Variants in MAP3K7CL observed in about 807,000 individuals in gnomAD.
MAP3K7CL encodes the protein MAP3K7 C-terminal-like protein.
Under a neutral mutation model 18.6 loss-of-function variants are expected in MAP3K7CL, and 16 were observed. That is an observed-to-expected ratio of 0.86 (90% confidence interval 0.58 to 1.31). The LOEUF is 1.31. MAP3K7CL is among the 50% of genes most tolerant of loss of function. MAP3K7CL has a pLI of 0.00. For synonymous variants in MAP3K7CL, 65 were observed against 66.8 expected (o/e 0.97, Z 0.13); for missense variants, 163 against 174.4 (o/e 0.93, Z 0.37).
At chr21:29,151,680 A>C (rs763604658) in intron 3 of MAP3K7CL, among the ~76,000 whole-genome samples, 2 of 152,214 alleles carry the variant, frequency 1.3e-5, no homozygotes, top group Non-Finnish European at 2.9e-5. Context: ...TTGTTCTCTC[A>C]TCAAATTATG....
At chr21:29,079,803 C>T (rs1469771490) in intron 1 of MAP3K7CL, among the ~76,000 whole-genome samples, 1 of 152,162 alleles carries the variant, frequency 6.6e-6, no homozygotes, top group Non-Finnish European at 1.5e-5. Context: ...GAGTAGCTCC[C>T]TTAAAGTCTC....
intron 2 of MAP3K7CL, among the ~76,000 whole-genome samples, chr21:29,135,483 A>C (rs2086866221): frequency 6.6e-6 from 1 of 152,216 alleles, no homozygotes; most frequent in South Asian, 2.1e-4. Context: ...TATTTATCTC[A>C]GGCAGTATTA....
Position 29,110,966 on chromosome 21 carries a change from T to C in MAP3K7CL, c.370+18385T>C, listed in dbSNP as rs180908698. On this transcript the variant is annotated intron_variant, in intron 4 of 6. Transcript: ENST00000286791. ...GTCCCTGTCTTCCATGTAAAAAATGTTCCTTGGGGGCTGGGCGCAGTGGCT... is the reference window on the plus strand; with the variant it reads ...GTCCCTGTCTTCCATGTAAAAAATGCTCCTTGGGGGCTGGGCGCAGTGGCT... 7.9e-5 allele frequency among the ~76,000 whole-genome samples: 12 copies of C among 152,248 alleles called. No individual in the cohort carries two copies. The East Asian group carries it at 2.3e-3, about 29-fold the overall frequency.
intron 4 of MAP3K7CL, among the ~76,000 whole-genome samples, chr21:29,103,621 G>C (rs1353826346): frequency 6.6e-6 from 1 of 152,094 alleles, no homozygotes; most frequent in Admixed American, 6.6e-5. Flanking sequence ...TGTAGTCCAG[G>C]CTACTTGGGA....
chr21:29,100,188 C>A (rs1940123456), intron 4 of MAP3K7CL, among the ~76,000 whole-genome samples: 1 of 152,108 alleles, frequency 6.6e-6, no homozygotes, highest in South Asian at 2.1e-4. Flanking sequence ...CCACGTATGC[C>A]CTGGAGAGTC....
intron 2 of MAP3K7CL, among the ~76,000 whole-genome samples, chr21:29,147,135 AT>A (rs1371695618): frequency 3.9e-5 from 6 of 152,068 alleles, no homozygotes; most frequent in Non-Finnish European, 8.8e-5. Context: ...TTTTTAAATT[AT>A]TTTTTCACCT....
intron 4 of MAP3K7CL, among the ~76,000 whole-genome samples, chr21:29,172,123 A>G (rs915917742): frequency 6.6e-6 from 1 of 151,844 alleles, no homozygotes; most frequent in African/African-American, 2.4e-5. Context: ...TTTAGCATTG[A>G]TATATTATTA....
chr21:29,119,126 C>T (rs1380808733), intron 4 of MAP3K7CL, among the ~76,000 whole-genome samples: 1 of 152,210 alleles, frequency 6.6e-6, no homozygotes, highest in African/African-American at 2.4e-5. Context: ...CACACAAATA[C>T]CCTTTCTCTG....
At chr21:29,096,477 G>A (rs1000790598) in intron 4 of MAP3K7CL, among the ~76,000 whole-genome samples, 2 of 152,278 alleles carry the variant, frequency 1.3e-5, no homozygotes, top group Admixed American at 6.5e-5. Context: ...CTAAAAGTCA[G>A]GTAGGACCTC....
chr21:29,147,557 G>A lies in MAP3K7CL; in HGVS notation c.71-1632G>A, dbSNP rs562787541. 1.1e-4 allele frequency among the ~76,000 whole-genome samples: 17 copies of A among 151,662 alleles called. No individual in the cohort carries two copies. In the South Asian group the frequency reaches 3.5e-3, roughly 32 times the overall value. On this transcript the variant is annotated intron_variant, in intron 2 of 4. Transcript: ENST00000399928. ...ATATATGTATATGTGTACTGTATCT[G>A]TATTGTATATGTATGTGTACTGTGT...
chr21:29,117,101 A>T (rs1442400106), intron 4 of MAP3K7CL, among the ~76,000 whole-genome samples: 1 of 152,132 alleles, frequency 6.6e-6, no homozygotes, highest in Non-Finnish European at 1.5e-5. Flanking sequence ...TGTCTTAACT[A>T]TCAATATATT....
chr21:29,107,622 G>T (rs549739052), intron 4 of MAP3K7CL, among the ~76,000 whole-genome samples: 1 of 152,140 alleles, frequency 6.6e-6, no homozygotes, highest in Non-Finnish European at 1.5e-5. Context: ...AAGTTGTCAC[G>T]TGGGGATGTG....
intron 4 of MAP3K7CL, among the ~76,000 whole-genome samples, chr21:29,169,993 A>G (rs1322417905): frequency 1.3e-5 from 2 of 152,204 alleles, no homozygotes; most frequent in Non-Finnish European, 2.9e-5. Context: ...TTCTACCCCC[A>G]TATTACATTA....
chr21:29,149,988 A>G (rs1441297444), intron 3 of MAP3K7CL, among the ~76,000 whole-genome samples: 2 of 152,210 alleles, frequency 1.3e-5, no homozygotes, highest in East Asian at 3.9e-4. Context: ...AGGCAAGTCC[A>G]ATAGGGGTCT....
chr21:29,120,533 G>GA (rs1225084120), intron 4 of MAP3K7CL, among the ~76,000 whole-genome samples: 1 of 152,162 alleles, frequency 6.6e-6, no homozygotes, highest in Non-Finnish European at 1.5e-5. Flanking sequence ...GGGCCTAGCT[G>GA]AGTGTCTGGG....
intron 4 of MAP3K7CL, among the ~76,000 whole-genome samples, chr21:29,163,317 T>C (rs1488855108): frequency 2.0e-5 from 3 of 152,164 alleles, no homozygotes; most frequent in Non-Finnish European, 4.4e-5. Flanking sequence ...CCCTAAATAA[T>C]TGGCTAGATG....
intron 4 of MAP3K7CL, among the ~76,000 whole-genome samples, chr21:29,101,471 G>A (rs559554580): frequency 1.3e-5 from 2 of 152,196 alleles, no homozygotes; most frequent in East Asian, 1.9e-4. Flanking sequence ...GTGCAGTGGC[G>A]CCATCTCTGC....
upstream of MAP3K7CL, among the ~76,000 whole-genome samples, chr21:29,082,149 G>A (rs184042216): frequency 6.6e-6 from 1 of 152,218 alleles, no homozygotes; most frequent in East Asian, 1.9e-4. Context: ...GAGAGTAAAA[G>A]TAATAAGTAT....
chr21:29,128,572 G>A (rs1420782176), upstream of MAP3K7CL, among the ~76,000 whole-genome samples: 2 of 152,176 alleles, frequency 1.3e-5, no homozygotes, highest in Non-Finnish European at 2.9e-5. Flanking sequence ...AAATTGCTGG[G>A]ATTACAGGCG....
Sources: gnomAD v4.1 joint callset for allele counts (sites outside exome capture counted in the v4.1 genomes callset) on GRCh38, gnomAD v4.1.1 for gene constraint, MANE v1.5 for transcripts, NCBI Gene and HGNC (gene_info 2026-07-23, HGNC 2026-07-21) for gene names.